Variants in C4orf33 observed in about 807,000 individuals in gnomAD.
C4orf33 encodes UPF0462 protein C4orf33.
In C4orf33, 20 loss-of-function variants were observed where a neutral mutation model predicts 24.3. The observed-to-expected ratio is 0.82, with a 90% confidence interval of 0.58 to 1.19. The LOEUF (loss-of-function observed/expected upper bound fraction) is 1.19. Ranked by LOEUF, C4orf33 falls within the 50% of genes most tolerant of loss-of-function variation. The pLI, the probability that C4orf33 is intolerant of heterozygous loss-of-function variation, is 0.00. For synonymous variants in C4orf33, 67 were observed against 76.4 expected (o/e 0.88, Z 0.64); for missense variants, 207 against 225.9 (o/e 0.92, Z 0.54).
At chr4:129,110,119 CTA>C (rs1753644959) in intron 5 of C4orf33, 1 of 538,066 alleles carries the variant, frequency 1.9e-6, no homozygotes, top group Non-Finnish European at 2.4e-6. Flanking sequence ...AAAATATCAA[CTA>C]TGTTTCTAGG....
At chr4:129,104,899 C>T (rs963661998) in intron 2 of C4orf33, among the ~76,000 whole-genome samples, 1 of 151,640 alleles carries the variant, frequency 6.6e-6, no homozygotes, top group African/African-American at 2.4e-5. Context: ...AGAGAAGCTG[C>T]AAAAGTATTT....
intron 2 of C4orf33, 150 bp from the exon 3 acceptor site, chr4:129,106,437 G>T: frequency 4.3e-6 from 2 of 460,798 alleles, no homozygotes; most frequent in South Asian, 3.8e-5. Context: ...CTTCTTCCAG[G>T]CAATGTCTAT....
chr4:129,102,140 A>G (rs1181361713), intron 1 of C4orf33: 1 of 152,282 alleles, frequency 6.6e-6, no homozygotes, highest in African/African-American at 2.4e-5. Flanking sequence ...CACACTTTAC[A>G]ATAAATAAAA....
intron 3 of C4orf33, among the ~76,000 whole-genome samples, chr4:129,107,754 A>G (rs987061334): frequency 1.3e-5 from 2 of 152,056 alleles, no homozygotes; most frequent in Non-Finnish European, 2.9e-5. Flanking sequence ...ACAGGTGAGA[A>G]AACTAAGGCA....
At chr4:129,108,980 G>A (rs1266943484) in intron 3 of C4orf33, among the ~76,000 whole-genome samples, 2 of 152,000 alleles carry the variant, frequency 1.3e-5, no homozygotes, top group African/African-American at 2.4e-5. Context: ...TCCACCTCCC[G>A]GGTTCAAGCG....
chr4:129,100,723 AG>A (rs1385618399), intron 1 of C4orf33: 1 of 152,218 alleles, frequency 6.6e-6, no homozygotes, highest in East Asian at 1.9e-4. Context: ...AGAACTTCCT[AG>A]TAGCTAAGGT....
At chr4:129,098,539 G>A (rs1268281397) in intron 1 of C4orf33, among the ~76,000 whole-genome samples, 1 of 152,200 alleles carries the variant, frequency 6.6e-6, no homozygotes, top group African/African-American at 2.4e-5. Flanking sequence ...ATTTTAAAAG[G>A]TTTTCTCTAC....
chr4:129,105,210 T>TCTATG (rs1753481192), intron 2 of C4orf33, among the ~76,000 whole-genome samples: 1 of 151,762 alleles, frequency 6.6e-6, no homozygotes, highest in Admixed American at 6.6e-5. Flanking sequence ...AGCTGGAGAG[T>TCTATG]CTATGTTGCA....
At position 129,106,604 on chromosome 4, in the gene C4orf33, T is replaced by C; in HGVS notation, c.199T>C (p.Leu67=). ...WDYEVVEAFF[L]NDITEQYLEV... is the part of the protein sequence containing the mutation. The stretch of plus-strand genomic sequence containing the variant: ...TTCAAAAGTTGTGGAAGCATTTTTC[T>C]TGAATGATATAACTGAGCAATATTT... The change falls in exon 3 of 6, where the codon TTG becomes CTG. Residue 67 remains leucine, a synonymous_variant. Transcript: ENST00000425929. The C allele has an allele frequency of 6.5e-7, 1 of 1,546,416 alleles. No homozygotes were observed. Among genetic ancestry groups the C allele is most frequent in the Non-Finnish European group, 8.8e-7 (1 of 1,132,440 alleles).
chr4:129,109,194 T>A, intron 3 of C4orf33, 113 bp from the exon 4 acceptor site: 1 of 1,148,248 alleles, frequency 8.7e-7, no homozygotes, highest in African/African-American at 1.5e-5. Context: ...AGCCTGCATC[T>A]TTTAATTATT....
chr4:129,096,589 G>A (rs770856795), intron 1 of C4orf33, among the ~76,000 whole-genome samples: 1 of 151,958 alleles, frequency 6.6e-6, no homozygotes, highest in Non-Finnish European at 1.5e-5. Context: ...TCCAGTGTTC[G>A]GTCTCCTTTC....
chr4:129,108,274 A>T (rs1371276425), intron 3 of C4orf33, among the ~76,000 whole-genome samples: 1 of 152,172 alleles, frequency 6.6e-6, no homozygotes, highest in Non-Finnish European at 1.5e-5. Flanking sequence ...ATGTTTTAAT[A>T]TATAGGTTTT....
At chr4:129,109,036 G>A (rs1231403442) in intron 3 of C4orf33, among the ~76,000 whole-genome samples, 6 of 152,060 alleles carry the variant, frequency 3.9e-5, no homozygotes, top group African/African-American at 7.2e-5. Flanking sequence ...ACAGGCACAC[G>A]CCACCATGCC....
At chr4:129,100,212 T>C (rs1040153394) in intron 1 of C4orf33, among the ~76,000 whole-genome samples, 1 of 152,204 alleles carries the variant, frequency 6.6e-6, no homozygotes, top group African/African-American at 2.4e-5. Context: ...AAATTACATT[T>C]TGAAGTAATT....
chr4:129,109,661 A>G lies in C4orf33; in HGVS notation c.483A>G (p.Gln161=). The G allele has an allele frequency of 1.2e-6, 2 of 1,613,052 alleles. No individual in the cohort carries two copies. The highest frequency in any genetic ancestry group is 1.7e-6 in the Non-Finnish European group (2 of 1,179,552). The part of the protein sequence containing the change: ...PVPQHELQQG[Q]KPDFHCLEYF... ...CTCAGCATGAACTGCAGCAAGGACA[A>G]AAACCTGATTTGTAAGTAGAAAATA... Residue 161 remains glutamine, a synonymous_variant, in exon 5 of 6, where the codon CAA becomes CAG. Coordinates refer to ENST00000425929, the MANE Select transcript of C4orf33 (RefSeq NM_001099783.2).
At chr4:129,094,800 A>G (rs536487313), upstream of C4orf33, among the ~76,000 whole-genome samples, 2 of 152,180 alleles carry the variant, frequency 1.3e-5, no homozygotes, top group Admixed American at 6.5e-5. Flanking sequence ...GGGAAAATTG[A>G]GTGTGCAAGG....
chr4:129,110,927 G>A (rs1167068772), intron 5 of C4orf33, among the ~76,000 whole-genome samples: 1 of 152,092 alleles, frequency 6.6e-6, no homozygotes, highest in Non-Finnish European at 1.5e-5. Context: ...TGGGCAGAAT[G>A]AGACAAACAT....
At chr4:129,095,410 A>T (rs1753173504), upstream of C4orf33, among the ~76,000 whole-genome samples, 1 of 152,172 alleles carries the variant, frequency 6.6e-6, no homozygotes, top group Non-Finnish European at 1.5e-5. Context: ...TAAATATCTG[A>T]TGGAAGGAAT....
At position 129,111,798 on chromosome 4, in the gene C4orf33, TA is replaced by T; in HGVS notation, c.*8del. On this transcript the variant is annotated 3_prime_UTR_variant, in exon 6 of 6. Transcript: ENST00000425929. ...AGAGAAATGTGATATATAGGAGTAA[TA>T]GATAACCATACCGATCATTTTTTCC... 22 of 1,492,042 alleles carry T rather than the reference TA, an allele frequency of 1.5e-5. No homozygotes were observed. Among genetic ancestry groups the T allele is most frequent in the Non-Finnish European group, 2.0e-5 (21 of 1,075,030 alleles). 92.4% of individuals were successfully genotyped at this position (1,492,042 alleles called of 1,614,324 possible).
Sources: allele counts gnomAD v4.1 joint callset (sites outside exome capture counted in the v4.1 genomes callset), GRCh38; gene constraint gnomAD v4.1.1; transcripts MANE v1.5; gene names NCBI Gene and HGNC (gene_info 2026-07-23, HGNC 2026-07-21).